Variants in ITIH5 observed in about 807,000 individuals in gnomAD.
ITIH5 encodes the protein inter-alpha-trypsin inhibitor heavy chain H5.
ITIH5 carries 65 observed loss-of-function variants against 77.5 expected under a neutral mutation model. The ratio of observed to expected loss-of-function variants is 0.84; its 90% CI spans 0.69 to 1.03. The LOEUF is 1.03. Ranked by LOEUF, ITIH5 falls within the 50% of genes least tolerant of loss-of-function variation. ITIH5 has a pLI of 0.00. For missense variants in ITIH5, 1,208 were observed against 1,213.1 expected (o/e 1.00, Z 0.06); for synonymous variants, 525 against 494.3 (o/e 1.06, Z -0.82).
chr10:7,584,206 C>A (rs68108887), intron 8 of ITIH5, among the ~76,000 whole-genome samples: 2 of 151,856 alleles, frequency 1.3e-5, no homozygotes, highest in Non-Finnish European at 2.9e-5. Context: ...GAGGCTAGGG[C>A]AATGCAGTTC....
At chr10:7,613,759 C>T (rs765869901) in intron 7 of ITIH5, among the ~76,000 whole-genome samples, 70 of 152,102 alleles carry the variant, frequency 4.6e-4, no homozygotes, top group Non-Finnish European at 8.4e-4. Flanking sequence ...TTGTCAAGAC[C>T]GAAGAGACAC....
intron 11 of ITIH5, among the ~76,000 whole-genome samples, chr10:7,570,858 G>A (rs1394715534): frequency 2.0e-5 from 3 of 152,084 alleles, no homozygotes; most frequent in African/African-American, 4.8e-5. Context: ...CTGGGCTCAA[G>A]CATTCCACCC....
intron 1 of ITIH5, among the ~76,000 whole-genome samples, chr10:7,662,024 C>T (rs1265932424): frequency 6.6e-6 from 1 of 152,150 alleles, no homozygotes; most frequent in African/African-American, 2.4e-5. Context: ...TTAAAAGCAA[C>T]TGCCATTAGG....
intron 4 of ITIH5, among the ~76,000 whole-genome samples, chr10:7,638,348 T>C (rs994440748): frequency 3.3e-5 from 5 of 152,154 alleles, no homozygotes; most frequent in Admixed American, 6.5e-5. Flanking sequence ...GACATAAGTA[T>C]TGAAATGGAA....
chr10:7,662,388 A>T (rs1176988974), intron 1 of ITIH5, among the ~76,000 whole-genome samples: 1 of 152,036 alleles, frequency 6.6e-6, no homozygotes, highest in Non-Finnish European at 1.5e-5. Flanking sequence ...GACAGAGAAA[A>T]GAAAAGAAAA....
At chr10:7,606,958 T>G (rs945013852) in intron 7 of ITIH5, among the ~76,000 whole-genome samples, 1 of 152,218 alleles carries the variant, frequency 6.6e-6, no homozygotes, top group African/African-American at 2.4e-5. Context: ...TATTTTGCCC[T>G]CTGTCCATCA....
intron 5 of ITIH5, chr10:7,621,055 A>T (rs1431731256): frequency 6.6e-6 from 1 of 152,142 alleles, no homozygotes; most frequent in African/African-American, 2.4e-5. Flanking sequence ...GGACTCCGCC[A>T]TTTGTGTTTT....
chr10:7,631,282 T>TG (rs1348698914), intron 5 of ITIH5, among the ~76,000 whole-genome samples: 1 of 152,112 alleles, frequency 6.6e-6, no homozygotes, highest in Non-Finnish European at 1.5e-5. Flanking sequence ...CGGCAAAGTT[T>TG]GGGAACCACT....
intron 7 of ITIH5, among the ~76,000 whole-genome samples, chr10:7,596,205 C>T (rs1265052630): frequency 6.6e-6 from 1 of 152,178 alleles, no homozygotes; most frequent in African/African-American, 2.4e-5. Flanking sequence ...TAGGGTCTTC[C>T]TTTCTCTTCC....
chr10:7,612,173 G>A (rs188714132), intron 7 of ITIH5, among the ~76,000 whole-genome samples: 1 of 152,156 alleles, frequency 6.6e-6, no homozygotes, highest in African/African-American at 2.4e-5. Context: ...CAGTCATCCC[G>A]ATGGGGTTTA....
chr10:7,590,159 A>T (rs867385955), intron 7 of ITIH5, among the ~76,000 whole-genome samples: 12 of 152,030 alleles, frequency 7.9e-5, no homozygotes, highest in South Asian at 2.1e-4. Flanking sequence ...TGGAACCTTC[A>T]TCTTTTTAAA....
chr10:7,586,046 A>C lies in ITIH5; in HGVS notation c.963T>G (p.Ile321Met). The C allele has an allele frequency of 6.2e-7, 1 of 1,613,548 alleles. No homozygotes were observed. Among genetic ancestry groups the C allele is most frequent in the South Asian group, 1.1e-5 (1 of 90,968 alleles). The change falls in exon 8 of 14, where the codon ATT becomes ATG. Residue 321 changes from isoleucine (I) to methionine (M), a missense_variant. Coordinates refer to ENST00000397146, the MANE Select transcript of ITIH5 (RefSeq NM_030569.7). ...GGTCCTGGGGTCGGAGGTCATGGAG[A>C]ATTGTGAAGAGGGCATCCTTGGTCT... ...LRQTKDALFT[I>M]LHDLRPQDRF...
chr10:7,641,965 C>CA lies in ITIH5; in HGVS notation c.260dup (p.Met87IlefsTer34). ...TGATGAAAGCTGCAGCTGGAATCTG[C>CA]ATCTGGAACTCAATGTCCTGGTCTT... On this transcript the variant is annotated frameshift_variant, in exon 3 of 14. Coordinates refer to ENST00000397146, the MANE Select transcript of ITIH5 (RefSeq NM_030569.7). LOFTEE classifies it high-confidence loss of function. The CA allele has an allele frequency of 6.2e-7, 1 of 1,614,124 alleles. No individual in the cohort carries two copies. The highest frequency in any genetic ancestry group is 1.1e-5 in the South Asian group (1 of 91,062).
rs1010422907 is a variant in ITIH5, at chr10:7,585,887, G to A, written c.1108+14C>T. On this transcript the variant is annotated intron_variant, in intron 8 of 13. Coordinates refer to ENST00000397146, the MANE Select transcript of ITIH5 (RefSeq NM_030569.7). ...CAAAGCCAAGCCAATGTGAAAAGAAGGTGTCATCTTTACCTCCAGTGGGTG... is the reference window on the plus strand; with the variant it reads ...CAAAGCCAAGCCAATGTGAAAAGAAAGTGTCATCTTTACCTCCAGTGGGTG... 1 of 1,567,558 alleles carries A rather than the reference G, an allele frequency of 6.4e-7. No individual in the cohort carries two copies. Among genetic ancestry groups the A allele is most frequent in the Non-Finnish European group, 8.7e-7 (1 of 1,155,074 alleles).
chr10:7,583,587 G>A (rs144495456), intron 8 of ITIH5, among the ~76,000 whole-genome samples: 2 of 152,288 alleles, frequency 1.3e-5, no homozygotes, highest in East Asian at 3.9e-4. Context: ...ACCCGCCTTG[G>A]CCTCCCAAAG....
chr10:7,576,652 G>T lies in ITIH5; in HGVS notation c.1779C>A (p.Asp593Glu). ...KELLSSWLQSDDEPEKERLRQ... is the reference protein window; with the variant it reads ...KELLSSWLQSEDEPEKERLRQ... ...GCAGCCGCTCCTTCTCCGGTTCATC[G>T]TCACTTTGCAGCCAGGAGCTCAGCA... The change falls in exon 10 of 14, where the codon GAC (aspartate) becomes GAA (glutamate). Residue 593 changes from aspartate to glutamate, a missense_variant. Coordinates refer to ENST00000397146, the MANE Select transcript of ITIH5 (RefSeq NM_030569.7). The T allele has an allele frequency of 6.2e-7, 1 of 1,614,166 alleles. No individual in the cohort carries two copies. The highest frequency in any genetic ancestry group is 8.5e-7 in the Non-Finnish European group (1 of 1,180,044).
intron 2 of ITIH5, among the ~76,000 whole-genome samples, chr10:7,651,514 G>A (rs748786733): frequency 2.2e-4 from 34 of 151,898 alleles, no homozygotes; most frequent in African/African-American, 6.8e-4. Flanking sequence ...AGACTGAGGC[G>A]CAAGACTCAC....
chr10:7,587,338 C>T lies in ITIH5; in HGVS notation c.940-1269G>A, dbSNP rs191672165. On this transcript the variant is annotated intron_variant, in intron 7 of 13. Transcript: ENST00000397146. ...GTAATCCATAGACACTGTGAGCAAA[C>T]TCTGTCTTCCCAAGCAGCACTGTTG... is the stretch of plus-strand genomic sequence containing the variant. 8.1e-4 allele frequency among the ~76,000 whole-genome samples: 124 copies of T among 152,330 alleles called. 1 individual carries two copies. The highest frequency in any genetic ancestry group is 6.7e-3 in the East Asian group (35 of 5,190).
intron 10 of ITIH5, among the ~76,000 whole-genome samples, chr10:7,574,150 T>C (rs1403133547): frequency 1.4e-4 from 22 of 152,220 alleles, no homozygotes; most frequent in Admixed American, 1.4e-3. Context: ...GTGCTTTGAA[T>C]AAATATTCAA....
Sources: allele counts gnomAD v4.1 joint callset (sites outside exome capture counted in the v4.1 genomes callset), GRCh38; gene constraint gnomAD v4.1.1; transcripts MANE v1.5; gene names NCBI Gene and HGNC (gene_info 2026-07-23, HGNC 2026-07-21).